NR5A2: variants seen among roughly 807,000 people sequenced by gnomAD.
The protein encoded by NR5A2 is CYP7A promoter-binding factor.
NR5A2 carries 26 observed loss-of-function variants against 62.7 expected under a neutral mutation model. That is an observed-to-expected ratio of 0.41 (90% CI 0.30 to 0.58). The LOEUF (loss-of-function observed/expected upper bound fraction) is 0.58. Among genes scored for constraint, NR5A2 ranks in the 20% least tolerant of loss-of-function variants. The pLI, the probability that NR5A2 is intolerant of heterozygous loss-of-function variation, is 0.22. For synonymous variants in NR5A2, 246 were observed against 241.7 expected (o/e 1.02, Z -0.16); for missense variants, 541 against 669.1 (o/e 0.81, Z 2.11).
chr1:200,054,356 T>C (rs949464052), intron 5 of NR5A2, among the ~76,000 whole-genome samples: 3 of 149,094 alleles, frequency 2.0e-5, no homozygotes, highest in Non-Finnish European at 4.5e-5. Flanking sequence ...GCTTTTTTTT[T>C]CAGTTATTTT....
chr1:200,132,484 T>C (rs1274375597), intron 7 of NR5A2, among the ~76,000 whole-genome samples: 1 of 152,222 alleles, frequency 6.6e-6, no homozygotes, highest in Non-Finnish European at 1.5e-5. Context: ...TTCTGTTCCT[T>C]GTTTTCACTG....
At chr1:200,133,173 T>C (rs1026351594) in intron 7 of NR5A2, among the ~76,000 whole-genome samples, 2 of 152,164 alleles carry the variant, frequency 1.3e-5, no homozygotes, top group African/African-American at 4.8e-5. Context: ...AAAATTTTCA[T>C]TGTGAAGTGT....
intron 5 of NR5A2, among the ~76,000 whole-genome samples, chr1:200,107,039 G>A (rs1011172676): frequency 3.9e-5 from 6 of 152,154 alleles, no homozygotes; most frequent in Non-Finnish European, 8.8e-5. Context: ...CGGGGGCGGC[G>A]TTGGGTGTTA....
At chr1:200,075,268 C>A (rs572462225) in intron 5 of NR5A2, among the ~76,000 whole-genome samples, 22 of 152,178 alleles carry the variant, frequency 1.4e-4, no homozygotes, top group Non-Finnish European at 2.4e-4. Flanking sequence ...TCCCACTGAA[C>A]ATTTCCATTA....
intron 7 of NR5A2, among the ~76,000 whole-genome samples, chr1:200,163,218 A>C (rs1257653670): frequency 1.3e-5 from 2 of 151,570 alleles, no homozygotes; most frequent in Admixed American, 6.6e-5. Context: ...AAATAAAAAT[A>C]AAGTTGGCCA....
intron 7 of NR5A2, among the ~76,000 whole-genome samples, chr1:200,133,463 T>G (rs1667056310): frequency 1.3e-5 from 2 of 150,400 alleles, no homozygotes. Flanking sequence ...ATCTTGGTTA[T>G]ACAGTCAAGC....
chr1:200,122,272 G>A (rs1287896850), intron 7 of NR5A2, among the ~76,000 whole-genome samples: 2 of 152,080 alleles, frequency 1.3e-5, no homozygotes, highest in African/African-American at 4.8e-5. Context: ...GCAAGCATAC[G>A]CCTGCTTGCT....
At chr1:200,108,588 A>G (rs1037655566) in intron 5 of NR5A2, among the ~76,000 whole-genome samples, 2 of 152,170 alleles carry the variant, frequency 1.3e-5, no homozygotes, top group Non-Finnish European at 2.9e-5. Context: ...ATGCAACATT[A>G]ACATGTATGG....
At chr1:200,082,191 A>G (rs1013536402) in intron 5 of NR5A2, among the ~76,000 whole-genome samples, 5 of 152,324 alleles carry the variant, frequency 3.3e-5, no homozygotes, top group Non-Finnish European at 7.3e-5. Flanking sequence ...TGTTTGTAAG[A>G]GGAAATTTTT....
At chr1:200,146,011 A>C (rs1412621871) in intron 7 of NR5A2, among the ~76,000 whole-genome samples, 1 of 152,196 alleles carries the variant, frequency 6.6e-6, no homozygotes, top group Admixed American at 6.5e-5. Context: ...ACTTATCAAA[A>C]ATTTATTGAA....
intron 7 of NR5A2, among the ~76,000 whole-genome samples, chr1:200,165,646 T>C (rs945789734): frequency 1.5e-4 from 23 of 152,186 alleles, no homozygotes; most frequent in Non-Finnish European, 3.2e-4. Flanking sequence ...ATAATACACA[T>C]TTACGTTTCC....
At chr1:200,136,652 C>G (rs990586937) in intron 7 of NR5A2, among the ~76,000 whole-genome samples, 2 of 152,186 alleles carry the variant, frequency 1.3e-5, no homozygotes, top group Admixed American at 6.5e-5. Flanking sequence ...CTATTCACTG[C>G]TACTTTTCTG....
At chr1:200,045,298 G>A in intron 3 of NR5A2, 145 bp from the exon 4 acceptor site, 1 of 619,708 alleles carries the variant, frequency 1.6e-6, no homozygotes, top group Non-Finnish European at 2.5e-6. Flanking sequence ...GGTTGATGTT[G>A]CTGAAATGTA....
chr1:200,060,068 T>C (rs565726342), intron 5 of NR5A2, among the ~76,000 whole-genome samples: 1 of 152,308 alleles, frequency 6.6e-6, no homozygotes, highest in Admixed American at 6.5e-5. Flanking sequence ...GCCAGTGGCA[T>C]GGGCGCCCTG....
Position 200,048,829 on chromosome 1 carries a change from A to G in NR5A2, c.1110+11A>G. The G allele has an allele frequency of 1.2e-6, 2 of 1,611,816 alleles. No individual in the cohort carries two copies. The highest frequency in any genetic ancestry group is 1.7e-6 in the Non-Finnish European group (2 of 1,177,986). ...TTCAGAGAACTTAAGGTATGCCACC[A>G]GCTATTACAACTTACAGCACCCCTT... On this transcript the variant is annotated intron_variant, in intron 5 of 7. Transcript: ENST00000367362. The surrounding 1 kb of genome is among the most constrained non-coding windows in gnomAD (Gnocchi z 4.8).
At chr1:200,051,678 A>C (rs943976305) in intron 5 of NR5A2, among the ~76,000 whole-genome samples, 1 of 152,086 alleles carries the variant, frequency 6.6e-6, no homozygotes, top group Non-Finnish European at 1.5e-5. Context: ...TGGTGAACAA[A>C]GAGTAGAATT....
chr1:200,149,784 T>C (rs551437222), intron 7 of NR5A2, among the ~76,000 whole-genome samples: 1 of 152,350 alleles, frequency 6.6e-6, no homozygotes, highest in African/African-American at 2.4e-5. Context: ...CAACTGTACT[T>C]AGCACAAGAC....
intron 7 of NR5A2, among the ~76,000 whole-genome samples, chr1:200,162,722 G>A (rs1176306605): frequency 6.6e-6 from 1 of 152,158 alleles, no homozygotes; most frequent in Non-Finnish European, 1.5e-5. Flanking sequence ...TGGCTGGATT[G>A]GAAAAGAAGA....
At chr1:200,113,252 A>G (rs1666048426) in intron 6 of NR5A2, among the ~76,000 whole-genome samples, 1 of 151,754 alleles carries the variant, frequency 6.6e-6, no homozygotes, top group African/African-American at 2.4e-5. Flanking sequence ...TGTTTCCTGC[A>G]GCCTGGATTC....
Sources: gnomAD v4.1 joint callset for allele counts (sites outside exome capture counted in the v4.1 genomes callset) on GRCh38, gnomAD v4.1.1 for gene constraint, Gnocchi (gnomAD v3.1) non-coding constraint, MANE v1.5 for transcripts, NCBI Gene and HGNC (gene_info 2026-07-23, HGNC 2026-07-21) for gene names.